Variants in ERC2 observed in about 807,000 individuals in gnomAD.
ERC2 encodes ELKS/RAB6-interacting/CAST family member 2, also known as ERC protein 2.
ERC2 carries 42 observed loss-of-function variants against 114.8 expected under a neutral mutation model. The observed-to-expected ratio is 0.37, with a 90% CI of 0.29 to 0.47. The LOEUF (loss-of-function observed/expected upper bound fraction) is 0.47. Among genes scored for constraint, ERC2 ranks in the 20% least tolerant of loss-of-function variants. The pLI, the probability that ERC2 is intolerant of heterozygous loss-of-function variation, is 0.99. For synonymous variants in ERC2, 454 were observed against 425.5 expected, an observed-to-expected ratio of 1.07 and a Z score of -0.82; for missense variants, 939 against 1,150.7, an observed-to-expected ratio of 0.82 and a Z score of 2.66.
chr3:55,919,693 T>C (rs954401650), intron 13 of ERC2, among the ~76,000 whole-genome samples: 2 of 152,054 alleles, frequency 1.3e-5, no homozygotes, highest in African/African-American at 4.8e-5. Context: ...AAGAGAATAA[T>C]AAAGCAGAAG....
At chr3:55,902,256 T>C (rs1423480053) in intron 13 of ERC2, among the ~76,000 whole-genome samples, 1 of 152,098 alleles carries the variant, frequency 6.6e-6, no homozygotes, top group Non-Finnish European at 1.5e-5. Flanking sequence ...TCCGCTTCAA[T>C]TTCTCCTTTA....
At chr3:55,550,835 T>G (rs1409995920) in intron 17 of ERC2, among the ~76,000 whole-genome samples, 2 of 151,958 alleles carry the variant, frequency 1.3e-5, no homozygotes, top group South Asian at 2.1e-4. Context: ...GCTAACACGG[T>G]GAAACCCCAT....
intron 3 of ERC2, among the ~76,000 whole-genome samples, chr3:56,273,346 T>G (rs569260661): frequency 1.3e-5 from 2 of 149,382 alleles, no homozygotes; most frequent in South Asian, 4.3e-4. Flanking sequence ...CTGGACCTCC[T>G]GGGCTCAAGC....
chr3:55,972,181 T>C (rs2069210301), intron 12 of ERC2, among the ~76,000 whole-genome samples: 1 of 152,192 alleles, frequency 6.6e-6, no homozygotes, highest in Admixed American at 6.5e-5. Context: ...AGTTATCATC[T>C]TTATCATTAG....
intron 14 of ERC2, among the ~76,000 whole-genome samples, chr3:55,804,662 G>A (rs1215202356): frequency 6.6e-6 from 1 of 152,136 alleles, no homozygotes; most frequent in South Asian, 2.1e-4. Flanking sequence ...TTCAAAGCCA[G>A]TGTGCTAAGC....
chr3:56,316,951 A>G (rs1281726602), intron 2 of ERC2, among the ~76,000 whole-genome samples: 1 of 152,372 alleles, frequency 6.6e-6, no homozygotes, highest in Non-Finnish European at 1.5e-5. Flanking sequence ...CACAGGTGAC[A>G]TTCACTCAAC....
At chr3:56,450,386 G>A (rs1418431042) in intron 1 of ERC2, among the ~76,000 whole-genome samples, 1 of 152,182 alleles carries the variant, frequency 6.6e-6, no homozygotes, top group African/African-American at 2.4e-5. Flanking sequence ...TTAGTTAACT[G>A]TTCTTTCCAT....
chr3:56,440,694 T>G (rs2062258553), intron 1 of ERC2, among the ~76,000 whole-genome samples: 1 of 152,176 alleles, frequency 6.6e-6, no homozygotes, highest in Non-Finnish European at 1.5e-5. Context: ...CCAATTCCTT[T>G]TAAGTGTGTA....
chr3:55,656,893 G>C (rs1241661430), intron 17 of ERC2, among the ~76,000 whole-genome samples: 2 of 152,228 alleles, frequency 1.3e-5, no homozygotes, highest in Non-Finnish European at 2.9e-5. Flanking sequence ...ACGATGAAGA[G>C]AAGAATGGCA....
At chr3:56,105,929 C>A (rs2078632252) in intron 6 of ERC2, among the ~76,000 whole-genome samples, 2 of 152,192 alleles carry the variant, frequency 1.3e-5, no homozygotes, top group Middle Eastern at 3.2e-3. Flanking sequence ...ATTCTTAAAA[C>A]ACAACTTGAA....
chr3:55,854,515 G>C (rs1021365700), intron 14 of ERC2, among the ~76,000 whole-genome samples: 4 of 152,046 alleles, frequency 2.6e-5, no homozygotes, highest in Non-Finnish European at 5.9e-5. Flanking sequence ...GCGGCTCTGG[G>C]GCCTGCTGCA....
chr3:56,064,476 A>T (rs1171927232), intron 7 of ERC2, among the ~76,000 whole-genome samples: 2 of 152,208 alleles, frequency 1.3e-5, no homozygotes, highest in African/African-American at 4.8e-5. Context: ...TCTCCACTCC[A>T]TGTCAATGAG....
intron 17 of ERC2, among the ~76,000 whole-genome samples, chr3:55,678,241 G>C (rs1395268644): frequency 6.6e-6 from 1 of 152,192 alleles, no homozygotes; most frequent in African/African-American, 2.4e-5. Flanking sequence ...CTTCTGGTTA[G>C]TTCTCATATT....
At chr3:55,882,539 A>G (rs766053570) in intron 14 of ERC2, among the ~76,000 whole-genome samples, 8 of 152,222 alleles carry the variant, frequency 5.3e-5, no homozygotes, top group Non-Finnish European at 1.0e-4. Flanking sequence ...TTTTGGAAAA[A>G]ATGCATTTGC....
chr3:55,911,401 G>C (rs2064804275), intron 13 of ERC2, among the ~76,000 whole-genome samples: 1 of 152,168 alleles, frequency 6.6e-6, no homozygotes, highest in African/African-American at 2.4e-5. Flanking sequence ...TAATATTCTA[G>C]TAAGGGAAAG....
chr3:55,659,149 A>G (rs1559461231), intron 17 of ERC2: 1 of 152,140 alleles, frequency 6.6e-6, no homozygotes, highest in Non-Finnish European at 1.5e-5. Flanking sequence ...AAAACAACCA[A>G]AAGGCGTTAC....
chr3:55,553,584 T>C (rs1415506774), intron 17 of ERC2, among the ~76,000 whole-genome samples: 1 of 151,754 alleles, frequency 6.6e-6, no homozygotes, highest in African/African-American at 2.4e-5. Context: ...ATCGAGACCA[T>C]CCTGGCTAAC....
chr3:56,060,753 C>T (rs1323188863), intron 7 of ERC2, among the ~76,000 whole-genome samples: 1 of 152,328 alleles, frequency 6.6e-6, no homozygotes, highest in Non-Finnish European at 1.5e-5. Flanking sequence ...TAATTTATTA[C>T]AACAGCCAAA....
At chr3:55,907,369 T>C (rs1303235972) in intron 13 of ERC2, among the ~76,000 whole-genome samples, 2 of 152,192 alleles carry the variant, frequency 1.3e-5, no homozygotes, top group Non-Finnish European at 2.9e-5. Flanking sequence ...TAAATGGAGA[T>C]ATCATGCCCT....
Sources: allele counts gnomAD v4.1 joint callset (sites outside exome capture counted in the v4.1 genomes callset), GRCh38; gene constraint gnomAD v4.1.1; transcripts MANE v1.5; gene names NCBI Gene and HGNC (gene_info 2026-07-23, HGNC 2026-07-21).